TECRL: variants seen among roughly 807,000 people sequenced by gnomAD.
TECRL encodes the protein trans-2,3-enoyl-CoA reductase like, also known as trans-2,3-enoyl-CoA reductase-like.
A neutral mutation model predicts 52.8 loss-of-function variants in TECRL; 63 were observed. That is an observed-to-expected ratio of 1.19 (90% CI 0.97 to 1.47). The LOEUF is 1.47. Among genes scored for constraint, TECRL ranks in the 40% most tolerant of loss-of-function variants. The pLI, the probability that TECRL is intolerant of heterozygous loss-of-function variation, is 0.00. For synonymous variants in TECRL, 164 were observed against 141.9 expected (o/e 1.16, Z -1.10); for missense variants, 482 against 429.6 (o/e 1.12, Z -1.08).
At chr4:64,377,960 C>T (rs1003220422) in intron 1 of TECRL, among the ~76,000 whole-genome samples, 11 of 152,032 alleles carry the variant, frequency 7.2e-5, no homozygotes, top group African/African-American at 2.7e-4. Context: ...AACCACTTGA[C>T]ATTCATTTGA....
chr4:64,312,073 A>G (rs1717049420), intron 5 of TECRL, among the ~76,000 whole-genome samples: 1 of 152,194 alleles, frequency 6.6e-6, no homozygotes, highest in African/African-American at 2.4e-5. Context: ...CCGTGTGCGG[A>G]GGTTTCTAAG....
intron 1 of TECRL, among the ~76,000 whole-genome samples, chr4:64,391,454 G>A (rs551903205): frequency 2.6e-4 from 39 of 151,958 alleles, no homozygotes; most frequent in African/African-American, 9.1e-4. Flanking sequence ...GACCAGAACT[G>A]AGTCCTATAT....
intron 2 of TECRL, among the ~76,000 whole-genome samples, chr4:64,339,960 T>G (rs1719436148): frequency 6.6e-6 from 1 of 152,208 alleles, no homozygotes; most frequent in South Asian, 2.1e-4. Context: ...CCTACTTTAC[T>G]TTGCCCTCTT....
intron 7 of TECRL, among the ~76,000 whole-genome samples, chr4:64,301,740 A>G (rs887691902): frequency 1.3e-5 from 2 of 151,260 alleles, no homozygotes; most frequent in Non-Finnish European, 3.0e-5. Context: ...AGTATAGAGA[A>G]GAGAGGGTTC....
At chr4:64,283,793 G>A (rs1393865870) in intron 9 of TECRL, among the ~76,000 whole-genome samples, 1 of 152,066 alleles carries the variant, frequency 6.6e-6, no homozygotes, top group African/African-American at 2.4e-5. Flanking sequence ...GGAATATCTA[G>A]GTTTTCATAA....
intron 2 of TECRL, among the ~76,000 whole-genome samples, chr4:64,371,032 G>A (rs1423052366): frequency 6.6e-6 from 1 of 151,608 alleles, no homozygotes; most frequent in Non-Finnish European, 1.5e-5. Context: ...CTTCAAGCCT[G>A]TGATTTTAAT....
intron 1 of TECRL, among the ~76,000 whole-genome samples, chr4:64,398,658 A>AT (rs554612975): frequency 2.8e-3 from 421 of 152,224 alleles, no homozygotes; most frequent in African/African-American, 9.4e-3. Flanking sequence ...AGTCTCAGGT[A>AT]TTTTTTATAG....
At chr4:64,363,383 A>G (rs10018857) in intron 2 of TECRL, among the ~76,000 whole-genome samples, 78 of 152,162 alleles carry the variant, frequency 5.1e-4, no homozygotes, top group African/African-American at 1.8e-3. Context: ...GCACTTCAAC[A>G]TAAAGTTAAT....
chr4:64,340,741 C>T (rs1026516279), intron 2 of TECRL, among the ~76,000 whole-genome samples: 1 of 152,162 alleles, frequency 6.6e-6, no homozygotes, highest in African/African-American at 2.4e-5. Context: ...CATCTTCAGG[C>T]CGTGAAGTGC....
At chr4:64,365,219 A>AC (rs1560531979) in intron 2 of TECRL, among the ~76,000 whole-genome samples, 3 of 151,718 alleles carry the variant, frequency 2.0e-5, no homozygotes, top group East Asian at 1.9e-4. Flanking sequence ...AAAAAAAAAA[A>AC]AGCTATACAT....
At chr4:64,298,147 T>G in intron 8 of TECRL, among the ~76,000 whole-genome samples, 2 of 151,314 alleles carry the variant, frequency 1.3e-5, no homozygotes, top group South Asian at 4.1e-4. Context: ...CTAAAGATTA[T>G]ATAAATTTAA....
chr4:64,405,199 T>A (rs540774532), intron 1 of TECRL, among the ~76,000 whole-genome samples: 1 of 152,262 alleles, frequency 6.6e-6, no homozygotes, highest in Non-Finnish European at 1.5e-5. Context: ...CAGGAAATGT[T>A]AACAGTTAAG....
In TECRL at chr4:64,347,918, C is replaced by T. The variant is rs73228602; in HGVS notation, c.287-19362G>A. Among the ~76,000 whole-genome samples, 449 of 152,266 alleles carry T rather than the reference C, an allele frequency of 2.9e-3. 3 individuals are homozygous for T. The highest frequency in any genetic ancestry group is 1.0e-2 in the African/African-American group (415 of 41,562). On this transcript the variant is annotated intron_variant, in intron 2 of 11. Transcript: ENST00000381210. ...TTCCAACAGTCCTCTGGCATTTTGA[C>T]GACAACCAGTCAGCAAGTCTCTAGG...
At chr4:64,350,017 T>G (rs1414465224) in intron 2 of TECRL, among the ~76,000 whole-genome samples, 2 of 152,138 alleles carry the variant, frequency 1.3e-5, no homozygotes, top group Non-Finnish European at 2.9e-5. Flanking sequence ...ATGATTCATG[T>G]TTAATGAATA....
chr4:64,305,595 C>A (rs1724289490), intron 6 of TECRL, among the ~76,000 whole-genome samples: 1 of 152,090 alleles, frequency 6.6e-6, no homozygotes, highest in Non-Finnish European at 1.5e-5. Flanking sequence ...GATGTTTGCT[C>A]AAAAGGGACT....
At chr4:64,349,257 C>T (rs1033012103) in intron 2 of TECRL, among the ~76,000 whole-genome samples, 4 of 151,442 alleles carry the variant, frequency 2.6e-5, no homozygotes, top group Non-Finnish European at 5.9e-5. Flanking sequence ...CTCAACCTCC[C>T]GAGTAGCTGG....
chr4:64,371,082 G>A (rs980778065), intron 2 of TECRL, among the ~76,000 whole-genome samples: 1 of 151,616 alleles, frequency 6.6e-6, no homozygotes, highest in African/African-American at 2.4e-5. Context: ...AATCACAGAA[G>A]TGGTCATCCA....
chr4:64,409,193 T>C lies in TECRL; in HGVS notation c.159A>G (p.Lys53=). 2 of 1,613,774 alleles carry C rather than the reference T, an allele frequency of 1.2e-6. No homozygotes were observed. The highest frequency in any genetic ancestry group is 8.5e-7 in the Non-Finnish European group (1 of 1,179,810). Residue 53 remains lysine, a synonymous_variant, in exon 1 of 12, where the codon AAA becomes AAG. Coordinates refer to ENST00000381210, the MANE Select transcript of TECRL (RefSeq NM_001010874.5). ...TCTCAAAGTGAGTCGTTTTTGAATG[T>C]TTGACTGCTGGAGTTGGTCTTAGAG... The part of the protein sequence containing the change: ...AGPLRPTPAV[K]HSKTTHFEIE...
At position 64,281,517 on chromosome 4, in the gene TECRL, G is replaced by T; in HGVS notation, c.875C>A (p.Thr292Lys). Reference protein sequence around the residue: ...CFPSPNYNPFTWMFFLVSCPN... With the variant: ...CFPSPNYNPFKWMFFLVSCPN... ...ACATGAAACCAGGAAAAACATCCAT[G>T]TGAAGGGGTTATAATTTGGACTTGG... is the stretch of plus-strand genomic sequence containing the variant. Residue 292 changes from threonine to lysine, a missense_variant, in exon 10 of 12, where the codon ACA (threonine) becomes AAA (lysine). Transcript: ENST00000381210. 6.2e-7 allele frequency: 1 copy of T among 1,604,818 alleles called. No individual in the cohort carries two copies. Among genetic ancestry groups the T allele is most frequent in the South Asian group, 1.1e-5 (1 of 90,066 alleles).
Sources: gnomAD v4.1 joint callset for allele counts (sites outside exome capture counted in the v4.1 genomes callset) on GRCh38, gnomAD v4.1.1 for gene constraint, MANE v1.5 for transcripts, NCBI Gene and HGNC (gene_info 2026-07-23, HGNC 2026-07-21) for gene names.